TANC2: variants seen among roughly 807,000 people sequenced by gnomAD.
TANC2 encodes the protein tetratricopeptide repeat, ankyrin repeat and coiled-coil containing 2, also known as protein TANC2.
A neutral mutation model predicts 210.5 loss-of-function variants in TANC2; 26 were observed. That is an observed-to-expected ratio of 0.12 (90% CI 0.09 to 0.17). The LOEUF (loss-of-function observed/expected upper bound fraction) is 0.17. Ranked by LOEUF, TANC2 falls within the 10% of genes least tolerant of loss-of-function variation. The pLI, the probability that TANC2 is intolerant of heterozygous loss-of-function variation, is 1.00. For synonymous variants in TANC2, 931 were observed against 967.1 expected, an observed-to-expected ratio of 0.96 and a Z score of 0.69; for missense variants, 2,129 against 2,608.9, an observed-to-expected ratio of 0.82 and a Z score of 4.01.
chr17:63,257,182 A>G (rs2043220750), intron 8 of TANC2, among the ~76,000 whole-genome samples: 1 of 150,448 alleles, frequency 6.6e-6, no homozygotes, highest in African/African-American at 2.5e-5. Context: ...TACTCCTGCC[A>G]TTTTGTTATT....
chr17:63,056,137 T>C (rs1208005613), intron 2 of TANC2, among the ~76,000 whole-genome samples: 1 of 140,406 alleles, frequency 7.1e-6, no homozygotes, highest in African/African-American at 2.6e-5. Context: ...ATTGTGTCCA[T>C]GCACTCCAGC....
At chr17:63,110,953 G>A (rs1204691718) in intron 4 of TANC2, among the ~76,000 whole-genome samples, 1 of 152,160 alleles carries the variant, frequency 6.6e-6, no homozygotes, top group Non-Finnish European at 1.5e-5. Flanking sequence ...TGACTACTCT[G>A]AGTATGTTTT....
chr17:63,110,466 A>C (rs1019879388), intron 4 of TANC2, among the ~76,000 whole-genome samples: 3 of 151,738 alleles, frequency 2.0e-5, no homozygotes, highest in Non-Finnish European at 4.4e-5. Context: ...TTCATAAAGA[A>C]CAGAAATCTA....
intron 2 of TANC2, 118 bp downstream of exon 2, chr17:63,009,744 T>G: frequency 2.4e-6 from 2 of 841,960 alleles, no homozygotes; most frequent in Non-Finnish European, 3.7e-6. Flanking sequence ...AAAAGAAAGT[T>G]TACATTTCTT....
At chr17:63,306,984 A>T (rs1220892890) in intron 9 of TANC2, among the ~76,000 whole-genome samples, 2 of 152,168 alleles carry the variant, frequency 1.3e-5, no homozygotes, top group Non-Finnish European at 2.9e-5. Flanking sequence ...AACCAACTTG[A>T]AAAGCTTATC....
At chr17:63,253,087 C>T (rs2043098107) in intron 8 of TANC2, among the ~76,000 whole-genome samples, 1 of 152,150 alleles carries the variant, frequency 6.6e-6, no homozygotes, top group Admixed American at 6.5e-5. Flanking sequence ...TGACAGTGAA[C>T]AAGGGTTCCC....
At chr17:63,032,308 C>G (rs187954712) in intron 2 of TANC2, among the ~76,000 whole-genome samples, 1 of 152,092 alleles carries the variant, frequency 6.6e-6, no homozygotes, top group Non-Finnish European at 1.5e-5. Flanking sequence ...GTCAGTTACA[C>G]TTTGGACTAG....
At chr17:63,415,442 C>T in intron 25 of TANC2, 86 bp from the exon 26 acceptor site, 3 of 1,533,198 alleles carry the variant, frequency 2.0e-6, no homozygotes, top group Non-Finnish European at 2.6e-6. Context: ...GTAACAGCTG[C>T]TGAGAAGAAG....
At chr17:63,283,741 T>C (rs1438594264) in intron 9 of TANC2, among the ~76,000 whole-genome samples, 1 of 152,036 alleles carries the variant, frequency 6.6e-6, no homozygotes, top group South Asian at 2.1e-4. Context: ...ATATTTCTTA[T>C]GCTATTGTAA....
intron 2 of TANC2, among the ~76,000 whole-genome samples, chr17:63,035,450 CCTGTGTATGACCTTTGAAGA>C (rs1303027818): frequency 2.6e-5 from 4 of 152,118 alleles, no homozygotes; most frequent in African/African-American, 9.7e-5. Flanking sequence ...CTGAGGTATG[CCTGTGTATGACCTTTGAAGA>C]CTGACTTCTT....
intron 1 of TANC2, among the ~76,000 whole-genome samples, chr17:62,973,983 C>G (rs1383652196): frequency 6.6e-6 from 1 of 152,210 alleles, no homozygotes; most frequent in African/African-American, 2.4e-5. Context: ...CTACTAGTTG[C>G]TGTCGAGACC....
At chr17:63,084,938 A>G (rs1406395617) in intron 3 of TANC2, among the ~76,000 whole-genome samples, 1 of 152,148 alleles carries the variant, frequency 6.6e-6, no homozygotes, top group Non-Finnish European at 1.5e-5. Flanking sequence ...CTTGAAAAGA[A>G]TGTGTATTCT....
intron 6 of TANC2, 77 bp downstream of exon 6, chr17:63,194,216 A>G (rs2041272042): frequency 1.4e-6 from 2 of 1,444,848 alleles, no homozygotes; most frequent in African/African-American, 2.8e-5. Context: ...CAATTGTTGA[A>G]TGCCTTTTGA....
chr17:63,118,819 G>A lies in TANC2; in HGVS notation c.322+19462G>A, dbSNP rs190938373. ...TTTTGAGACAGAGTCTCGCTCTGTC[G>A]CCCAGGCTGGAGTGTAGTGGTGCGA... On this transcript the variant is annotated intron_variant, in intron 4 of 27. Transcript: ENST00000689528. Among the ~76,000 whole-genome samples, 13 of 138,494 alleles carry A rather than the reference G, an allele frequency of 9.4e-5. No individual in the cohort carries two copies. In the East Asian group the frequency reaches 1.9e-3, roughly 20 times the overall value. The allele number at this position is 138,494 out of a possible 152,430, so 90.9% of individuals were successfully genotyped here. A position where few individuals can be genotyped will look rare whatever the true frequency, so the allele number is the denominator to read the frequency against.
chr17:63,393,462 A>T (rs1190510671), intron 17 of TANC2: 1 of 152,178 alleles, frequency 6.6e-6, no homozygotes, highest in Non-Finnish European at 1.5e-5. Flanking sequence ...AAGGCCTCCA[A>T]TACGGAATAA....
rs765227242 is a variant in TANC2 at position 63,412,036 on chromosome 17, C to T, written c.3804C>T (p.His1268=). The stretch of plus-strand genomic sequence containing the variant: ...TAGATCATGGGGCCATGATCGAGCA[C>T]GTTGACTACAGTGGAATGCGCCCTT... The change falls in exon 23 of 28, where the codon CAC becomes CAT. Residue 1268 remains histidine (H), a synonymous_variant. Transcript: ENST00000689528. This position sits in a 1 kb window ranked among gnomAD's most constrained non-coding sequence, Gnocchi z 4.2. 5.6e-6 allele frequency: 9 copies of T among 1,613,716 alleles called. No homozygotes were observed. Among genetic ancestry groups the T allele is most frequent in the Admixed American group, 3.3e-5 (2 of 59,990 alleles).
At chr17:63,398,866 G>A in exon 19 of TANC2, 1 of 1,598,424 alleles carries the variant, frequency 6.3e-7, no homozygotes. Flanking sequence ...TGAAGAGGAA[G>A]TAGAGCGAGC....
chr17:63,390,975 A>C (rs1409575337), intron 17 of TANC2: 1 of 152,142 alleles, frequency 6.6e-6, no homozygotes, highest in African/African-American at 2.4e-5. Flanking sequence ...CCTGTATCTC[A>C]AAACTCTTAT....
chr17:63,292,729 G>T (rs184931000), intron 9 of TANC2, among the ~76,000 whole-genome samples: 2 of 152,274 alleles, frequency 1.3e-5, no homozygotes, highest in Non-Finnish European at 2.9e-5. Flanking sequence ...GGATGTCTCT[G>T]TTGGCTTGAT....
Sources: allele counts gnomAD v4.1 joint callset (sites outside exome capture counted in the v4.1 genomes callset), GRCh38; gene constraint gnomAD v4.1.1; non-coding constraint Gnocchi (gnomAD v3.1); transcripts MANE v1.5; gene names NCBI Gene and HGNC (gene_info 2026-07-23, HGNC 2026-07-21).